MAU2: variants seen among roughly 807,000 people sequenced by gnomAD.
MAU2 encodes MAU2 chromatid cohesion factor homolog.
Under a neutral mutation model 89.1 loss-of-function variants are expected in MAU2, and 9 were observed. The ratio of observed to expected loss-of-function variants is 0.10; its 90% CI spans 0.06 to 0.18. The LOEUF (loss-of-function observed/expected upper bound fraction) is 0.18, where lower values mean the gene tolerates loss of function less well. Ranked by LOEUF, MAU2 falls within the 10% of genes least tolerant of loss-of-function variation. MAU2 has a pLI of 1.00. For synonymous variants in MAU2, 357 were observed against 343.4 expected, an observed-to-expected ratio of 1.04 and a Z score of -0.44; for missense variants, 425 against 803.5, an observed-to-expected ratio of 0.53 and a Z score of 5.69.
rs546364252 is a variant in MAU2, at chr19:19,325,887, T to C, written c.276+4752T>C. On this transcript the variant is annotated intron_variant, in intron 1 of 18. Coordinates refer to ENST00000262815, the MANE Select transcript of MAU2 (RefSeq NM_015329.4). Reference sequence around the variant, plus strand: ...CATCCAGCTTTCCTATTGTTTTCACTGTCTTTTGCTTTCTCTCTAAGAGAC... The same window carrying C: ...CATCCAGCTTTCCTATTGTTTTCACCGTCTTTTGCTTTCTCTCTAAGAGAC... 8.5e-5 allele frequency among the ~76,000 whole-genome samples: 13 copies of C among 152,338 alleles called. No individual in the cohort carries two copies. The East Asian group carries it at 2.3e-3, about 27-fold the overall frequency.
intron 5 of MAU2, among the ~76,000 whole-genome samples, chr19:19,339,218 C>T (rs781297303): frequency 4.2e-4 from 64 of 152,108 alleles, no homozygotes; most frequent in Non-Finnish European, 6.6e-4. Context: ...GAGAGGCTAA[C>T]GTGGGAGGAT....
chr19:19,354,668 G>A, intron 17 of MAU2: 1 of 569,096 alleles, frequency 1.8e-6, no homozygotes, highest in Admixed American at 3.0e-5. Flanking sequence ...GTCTCTATAG[G>A]ACACAGAGGC....
intron 1 of MAU2, among the ~76,000 whole-genome samples, chr19:19,330,094 C>CT (rs1010003236): frequency 6.6e-6 from 1 of 151,828 alleles, no homozygotes; most frequent in Non-Finnish European, 1.5e-5. Flanking sequence ...GTTCTTTTGC[C>CT]TCAGCTTCCA....
chr19:19,341,170 G>A (rs1316074341), intron 6 of MAU2, 82 bp from the exon 7 acceptor site: 1 of 1,495,460 alleles, frequency 6.7e-7, no homozygotes, highest in African/African-American at 1.4e-5. Context: ...CCCAGGGCAG[G>A]TGGGCAGGTG....
At chr19:19,341,469 C>CCAATG in intron 7 of MAU2, 62 bp downstream of exon 7, 1 of 1,581,638 alleles carries the variant, frequency 6.3e-7, no homozygotes, top group Admixed American at 1.7e-5. Context: ...GGTACCCAGG[C>CCAATG]CAATGGGTCT....
chr19:19,320,888 A>AGGC lies in MAU2; in HGVS notation c.39_41dup (p.Ala14dup), dbSNP rs755586620. 19 of 1,485,062 alleles carry AGGC rather than the reference A, an allele frequency of 1.3e-5. No individual in the cohort carries two copies. The highest frequency in any genetic ancestry group is 1.0e-4 in the East Asian group (4 of 39,548). 92.0% of individuals were successfully genotyped at this position (1,485,062 alleles called of 1,614,324 possible). A position where few individuals can be genotyped will look rare whatever the true frequency, so the allele number is the denominator to read the frequency against. Reference sequence around the variant, plus strand: ...GCGGCTCAGGCGGCGGCAGCGGCCCAGGCGGCGGCGGCCCAGGCTGCGCAG... The same window carrying AGGC: ...GCGGCTCAGGCGGCGGCAGCGGCCCAGGCGGCGGCGGCGGCCCAGGCTGCGCAG... On this transcript the variant is annotated inframe_insertion, in exon 1 of 19. Coordinates refer to ENST00000262815, the MANE Select transcript of MAU2 (RefSeq NM_015329.4).
intron 1 of MAU2, among the ~76,000 whole-genome samples, chr19:19,330,314 G>A (rs1251262389): frequency 1.3e-5 from 2 of 151,778 alleles, no homozygotes; most frequent in African/African-American, 4.8e-5. Flanking sequence ...ACAACAACAG[G>A]CCAGGCATGG....
At chr19:19,344,972 CA>C (rs1285377289) in intron 11 of MAU2, 46 bp downstream of exon 11, 6 of 1,561,114 alleles carry the variant, frequency 3.8e-6, no homozygotes, top group Non-Finnish European at 5.3e-6. Context: ...AGAATGTTCT[CA>C]GTAAGTAAGT....
At chr19:19,336,359 G>C (rs1459788460) in intron 3 of MAU2, among the ~76,000 whole-genome samples, 172 bp downstream of exon 3, 1 of 152,018 alleles carries the variant, frequency 6.6e-6, no homozygotes, top group Admixed American at 6.6e-5. Flanking sequence ...GGAGTGCATG[G>C]CACAATCATG....
intron 12 of MAU2, among the ~76,000 whole-genome samples, chr19:19,346,091 A>G (rs1451263052): frequency 6.6e-6 from 1 of 152,064 alleles, no homozygotes; most frequent in Non-Finnish European, 1.5e-5. Flanking sequence ...TGACTGTTGG[A>G]CAGGGTTCCC....
At chr19:19,350,672 G>T (rs1212637319) in intron 16 of MAU2, among the ~76,000 whole-genome samples, 2 of 151,150 alleles carry the variant, frequency 1.3e-5, no homozygotes, top group Non-Finnish European at 2.9e-5. Context: ...AGGCCAAGGC[G>T]GGCAGATCAC....
intron 1 of MAU2, 41 bp downstream of exon 1, chr19:19,321,176 C>A: frequency 6.5e-7 from 1 of 1,537,156 alleles, no homozygotes; most frequent in South Asian, 1.2e-5. Flanking sequence ...TCGCGGGCTC[C>A]TTGCAAGATC....
At chr19:19,342,946 C>A in intron 9 of MAU2, 80 bp downstream of exon 9, 2 of 1,459,388 alleles carry the variant, frequency 1.4e-6, no homozygotes, top group Non-Finnish European at 1.9e-6. Context: ...TGTACCAGGG[C>A]CCAGTGACCC....
At chr19:19,353,557 G>T (rs2061761407) in intron 16 of MAU2, 1 of 152,304 alleles carries the variant, frequency 6.6e-6, no homozygotes, top group Non-Finnish European at 1.5e-5. Flanking sequence ...TGGTTTTGGG[G>T]ATGTGTCCAT....
chr19:19,321,238 T>TG, intron 1 of MAU2, 103 bp downstream of exon 1: 1 of 1,314,820 alleles, frequency 7.6e-7, no homozygotes, highest in Non-Finnish European at 9.9e-7. Flanking sequence ...CTCGGCGACC[T>TG]GGGGGCGCGA....
At chr19:19,330,576 A>C (rs2061547774) in intron 1 of MAU2, among the ~76,000 whole-genome samples, 1 of 152,196 alleles carries the variant, frequency 6.6e-6, no homozygotes, top group South Asian at 2.1e-4. Flanking sequence ...CCCCGTCTCT[A>C]CTGAAAATAC....
chr19:19,336,194 A>C lies in MAU2; in HGVS notation c.360+7A>C. 1 of 1,607,514 alleles carries C rather than the reference A, an allele frequency of 6.2e-7. No homozygotes were observed. Among genetic ancestry groups the C allele is most frequent in the Non-Finnish European group, 8.5e-7 (1 of 1,174,334 alleles). On this transcript the variant is annotated splice_region_variant and intron_variant, in intron 3 of 18. Coordinates refer to ENST00000262815, the MANE Select transcript of MAU2 (RefSeq NM_015329.4). ...TGAATTGTACTGTCAAGAGGTAAGA[A>C]CATATTAAGGTTTCTGAAAGCAAAG...
chr19:19,341,223 A>AC (rs1251522703), intron 6 of MAU2, 29 bp from the exon 7 acceptor site: 3 of 1,603,290 alleles, frequency 1.9e-6, no homozygotes. Flanking sequence ...CAAGCCCTGT[A>AC]CCCTACACCT....
At chr19:19,348,478 ATCAG>A (rs1270025311) in intron 13 of MAU2, 12 of 299,808 alleles carry the variant, frequency 4.0e-5, no homozygotes, top group East Asian at 2.9e-4. Context: ...CAGCTAAATT[ATCAG>A]TCAGATCACG....
Sources: allele counts gnomAD v4.1 joint callset (sites outside exome capture counted in the v4.1 genomes callset), GRCh38; gene constraint gnomAD v4.1.1; transcripts MANE v1.5; gene names NCBI Gene and HGNC (gene_info 2026-07-23, HGNC 2026-07-21).